Variants in SUGCT observed in about 807,000 individuals in gnomAD.
SUGCT encodes succinyl-CoA:glutarate CoA-transferase.
In SUGCT, 41 loss-of-function variants were observed where a neutral mutation model predicts 55.0. The observed-to-expected ratio is 0.74, with a 90% CI of 0.58 to 0.97. The LOEUF is 0.97. Among genes scored for constraint, SUGCT ranks in the 50% least tolerant of loss-of-function variants. The pLI is 0.00. For synonymous variants in SUGCT, 187 were observed against 200.4 expected (o/e 0.93, Z 0.56); for missense variants, 568 against 547.8 (o/e 1.04, Z -0.37).
chr7:41,010,869 G>T, the SUGCT span, among the ~76,000 whole-genome samples: 22 of 152,226 alleles, frequency 1.4e-4, no homozygotes, highest in East Asian at 4.0e-3. Context: ...AAATTGGAAT[G>T]TTTGACCTGG....
chr7:40,181,973 T>C lies in SUGCT; in HGVS notation c.171T>C (p.Phe57=). The C allele has an allele frequency of 1.3e-6, 2 of 1,598,336 alleles. No individual in the cohort carries two copies. The change falls in exon 3 of 14, where the codon TTT becomes TTC. Residue 57 remains phenylalanine, a synonymous_variant. Transcript: ENST00000335693. ...ATTGTAGAGTCCTGGCGGGACCTTTTGCTACTATGAATTTAGGAGATCTTG... is the reference window on the plus strand; with the variant it reads ...ATTGTAGAGTCCTGGCGGGACCTTTCGCTACTATGAATTTAGGAGATCTTG... ...LDLTRVLAGP[F]ATMNLGDLGA... is the part of the protein sequence containing the mutation.
chr7:41,002,800 A>G, the SUGCT span, among the ~76,000 whole-genome samples: 1 of 152,132 alleles, frequency 6.6e-6, no homozygotes, highest in African/African-American at 2.4e-5. Flanking sequence ...TGCTATTATT[A>G]TAGGTGAGGA....
the SUGCT span, among the ~76,000 whole-genome samples, chr7:40,957,060 A>T: frequency 3.3e-5 from 5 of 152,226 alleles, no homozygotes; most frequent in East Asian, 9.7e-4. Flanking sequence ...TTTTAGAATA[A>T]GTTCTATGTG....
intron 13 of SUGCT, among the ~76,000 whole-genome samples, chr7:40,844,521 T>A (rs1245574721): frequency 6.6e-6 from 1 of 152,214 alleles, no homozygotes; most frequent in Non-Finnish European, 1.5e-5. Flanking sequence ...GACATCTGGC[T>A]GCTGCTTCTC....
chr7:40,995,436 C>T, the SUGCT span, among the ~76,000 whole-genome samples: 2 of 148,908 alleles, frequency 1.3e-5, no homozygotes, highest in African/African-American at 5.1e-5. Context: ...ATCACCATAA[C>T]GAAAGTTCCA....
the SUGCT span, among the ~76,000 whole-genome samples, chr7:41,030,673 G>T: frequency 5.3e-5 from 8 of 151,998 alleles, no homozygotes; most frequent in Non-Finnish European, 1.0e-4. Context: ...TTCCATCCTG[G>T]ATTAATCATA....
At chr7:41,019,723 T>A in the SUGCT span, among the ~76,000 whole-genome samples, 1 of 152,244 alleles carries the variant, frequency 6.6e-6, no homozygotes, top group African/African-American at 2.4e-5. Flanking sequence ...TCGGGTTGAC[T>A]CGGCAAATAC....
intron 8 of SUGCT, among the ~76,000 whole-genome samples, chr7:40,287,942 A>G (rs141186719): frequency 1.2e-4 from 18 of 152,162 alleles, no homozygotes; most frequent in African/African-American, 4.1e-4. Flanking sequence ...CACTTATCCC[A>G]TTTATATGTT....
At chr7:40,626,301 G>T (rs920807157) in intron 12 of SUGCT, among the ~76,000 whole-genome samples, 1 of 151,758 alleles carries the variant, frequency 6.6e-6, no homozygotes. Context: ...CTGTCACCCA[G>T]GCTGGAGTGC....
At chr7:40,248,270 C>CA (rs1213945085) in intron 7 of SUGCT, among the ~76,000 whole-genome samples, 2 of 152,138 alleles carry the variant, frequency 1.3e-5, no homozygotes, top group Non-Finnish European at 2.9e-5. Context: ...CTGAGCCTCC[C>CA]AAAGTGCCGG....
chr7:40,914,062 G>GT, the SUGCT span, among the ~76,000 whole-genome samples: 22,689 of 143,656 alleles, frequency 0.16, 1,967 homozygotes, highest in African/African-American at 0.25. Context: ...TTTTTTTTCA[G>GT]TTTTTTTTTT....
At chr7:40,177,805 A>G (rs1034287112) in intron 1 of SUGCT, among the ~76,000 whole-genome samples, 3 of 151,422 alleles carry the variant, frequency 2.0e-5, no homozygotes, top group African/African-American at 7.4e-5. Flanking sequence ...GCTGGAGTGC[A>G]GTGGTGTAAT....
chr7:40,316,953 C>CTTTTTT (rs1554309222), intron 9 of SUGCT, 98 bp downstream of exon 9: 121 of 183,706 alleles, frequency 6.6e-4, no homozygotes, highest in Non-Finnish European at 7.6e-4. Context: ...AATCCTTCAG[C>CTTTTTT]TGTTTTTTTT....
chr7:40,951,043 C>A, the SUGCT span, among the ~76,000 whole-genome samples: 1 of 152,102 alleles, frequency 6.6e-6, no homozygotes, highest in South Asian at 2.1e-4. Context: ...GGTACCAGCT[C>A]CTCCTTGTAC....
chr7:40,853,242 G>C (rs1793946085), intron 13 of SUGCT, among the ~76,000 whole-genome samples: 1 of 152,060 alleles, frequency 6.6e-6, no homozygotes, highest in Non-Finnish European at 1.5e-5. Flanking sequence ...TAATTAATAT[G>C]ATATGTATTA....
At chr7:40,922,761 G>C in the SUGCT span, among the ~76,000 whole-genome samples, 1 of 152,190 alleles carries the variant, frequency 6.6e-6, no homozygotes, top group Non-Finnish European at 1.5e-5. Context: ...TCTCATAATG[G>C]TGAGTGGAGT....
chr7:40,828,590 A>C (rs889251782), intron 13 of SUGCT, among the ~76,000 whole-genome samples: 1 of 152,082 alleles, frequency 6.6e-6, no homozygotes, highest in Non-Finnish European at 1.5e-5. Flanking sequence ...AAAAAAAAAA[A>C]AAAACTCAAG....
the SUGCT span, among the ~76,000 whole-genome samples, chr7:41,031,186 AT>A: frequency 6.6e-6 from 1 of 152,050 alleles, no homozygotes; most frequent in African/African-American, 2.4e-5. Flanking sequence ...GGCCCATAGG[AT>A]TATTTAAATC....
At chr7:40,967,300 A>G in the SUGCT span, 1 of 152,174 alleles carries the variant, frequency 6.6e-6, no homozygotes, top group Non-Finnish European at 1.5e-5. Context: ...ATAGCTGGAA[A>G]AGAGCAAGTT....
Sources: gnomAD v4.1 joint callset for allele counts (sites outside exome capture counted in the v4.1 genomes callset) on GRCh38, gnomAD v4.1.1 for gene constraint, MANE v1.5 for transcripts, NCBI Gene and HGNC (gene_info 2026-07-23, HGNC 2026-07-21) for gene names.